MAN2A1: variants seen among roughly 807,000 people sequenced by gnomAD.
MAN2A1 encodes mannosidase alpha class 2A member 1, also known as alpha-mannosidase 2.
In MAN2A1, 76 loss-of-function variants were observed where a neutral mutation model predicts 142.6. The ratio of observed to expected loss-of-function variants is 0.53; its 90% confidence interval spans 0.44 to 0.65. The LOEUF (loss-of-function observed/expected upper bound fraction) is 0.65. MAN2A1 is among the 30% of genes least tolerant of loss of function. The pLI, the probability that MAN2A1 is intolerant of heterozygous loss-of-function variation, is 0.00. For missense variants in MAN2A1, 1,311 were observed against 1,365.1 expected (o/e 0.96, Z 0.62); for synonymous variants, 559 against 473.2 (o/e 1.18, Z -2.35).
At chr5:109,750,391 G>A (rs1752513199) in intron 4 of MAN2A1, among the ~76,000 whole-genome samples, 1 of 151,908 alleles carries the variant, frequency 6.6e-6, no homozygotes, top group Non-Finnish European at 1.5e-5. Context: ...TTCTATTCTT[G>A]TGGATGGATT....
intron 9 of MAN2A1, among the ~76,000 whole-genome samples, chr5:109,784,507 G>A (rs1292675341): frequency 1.3e-5 from 2 of 152,080 alleles, no homozygotes; most frequent in Non-Finnish European, 2.9e-5. Flanking sequence ...GGATCATCTA[G>A]AACAAGGACT....
At chr5:109,852,059 T>C (rs1445197919) in intron 19 of MAN2A1, among the ~76,000 whole-genome samples, 2 of 151,980 alleles carry the variant, frequency 1.3e-5, no homozygotes, top group African/African-American at 2.4e-5. Context: ...TTCCAGTTTC[T>C]TGGGTAAAAA....
intron 1 of MAN2A1, 28 bp downstream of exon 1, chr5:109,690,580 C>T (rs1398361650): frequency 6.4e-7 from 1 of 1,565,024 alleles, no homozygotes; most frequent in Middle Eastern, 2.0e-4. Flanking sequence ...GGGCGCGGGG[C>T]TCCGAGGGGC....
At chr5:109,812,859 T>G (rs1754355352) in intron 12 of MAN2A1, among the ~76,000 whole-genome samples, 1 of 152,222 alleles carries the variant, frequency 6.6e-6, no homozygotes, top group African/African-American at 2.4e-5. Flanking sequence ...AGTGGTATTT[T>G]TCTGCACTGA....
Position 109,690,572 on chromosome 5 carries a change from G to C in MAN2A1, c.135+20G>C, listed in dbSNP as rs772597687. On this transcript the variant is annotated intron_variant, in intron 1 of 21. Transcript: ENST00000261483. ...CCTCAGGTAAGCACCTGGGAAGGGG[G>C]CGCGGGGCTCCGAGGGGCCAGGCGT... The C allele has an allele frequency of 7.6e-6, 12 of 1,576,354 alleles. No homozygotes were observed. In the South Asian group the frequency reaches 1.4e-4, roughly 18 times the overall value.
chr5:109,824,299 G>A (rs1374720964), intron 16 of MAN2A1, among the ~76,000 whole-genome samples: 1 of 152,154 alleles, frequency 6.6e-6, no homozygotes, highest in Non-Finnish European at 1.5e-5. Context: ...ACCCAGTAGA[G>A]TATAAAACCT....
chr5:109,846,110 G>A, intron 18 of MAN2A1, 104 bp downstream of exon 18: 2 of 1,031,160 alleles, frequency 1.9e-6, no homozygotes, highest in Non-Finnish European at 2.6e-6. Flanking sequence ...AAACCTCCCT[G>A]TCTTCTTTTC....
intron 1 of MAN2A1, among the ~76,000 whole-genome samples, chr5:109,709,948 A>G (rs1751249180): frequency 6.6e-6 from 1 of 152,192 alleles, no homozygotes; most frequent in South Asian, 2.1e-4. Context: ...CTGTTTCTTT[A>G]ATGCAGACTA....
At chr5:109,834,468 T>C (rs1182423526) in intron 16 of MAN2A1, among the ~76,000 whole-genome samples, 1 of 152,224 alleles carries the variant, frequency 6.6e-6, no homozygotes, top group Non-Finnish European at 1.5e-5. Flanking sequence ...AGTTTTGTTT[T>C]ATGTTTTTCA....
chr5:109,827,916 A>G (rs1276969978), intron 16 of MAN2A1, among the ~76,000 whole-genome samples: 15 of 152,134 alleles, frequency 9.9e-5, no homozygotes. Context: ...CCTGGCTAAC[A>G]AGGTGAAAGA....
chr5:109,850,892 T>C (rs1755466136), intron 19 of MAN2A1, among the ~76,000 whole-genome samples: 1 of 152,194 alleles, frequency 6.6e-6, no homozygotes, highest in Non-Finnish European at 1.5e-5. Flanking sequence ...AGAAATGAAC[T>C]AGAGAAGAGA....
intron 6 of MAN2A1, 111 bp downstream of exon 6, chr5:109,767,819 G>T: frequency 1.2e-6 from 1 of 848,154 alleles, no homozygotes; most frequent in South Asian, 1.9e-5. Flanking sequence ...GAAAAATCAG[G>T]TGGCCTAAAG....
At position 109,716,342 on chromosome 5, in the gene MAN2A1, A is replaced by G. The variant is rs1751452660; in HGVS notation, c.535+78A>G. On this transcript the variant is annotated intron_variant, in intron 3 of 21. Coordinates refer to ENST00000261483, the MANE Select transcript of MAN2A1 (RefSeq NM_002372.4). The stretch of plus-strand genomic sequence containing the variant: ...GAGTCTTTTAATGAGAATCTGGTAG[A>G]GGCCACTTCTCAAATTTTTGAGACA... The G allele has an allele frequency of 2.5e-6, 3 of 1,187,448 alleles. No individual in the cohort carries two copies. In the Admixed American group the frequency reaches 7.2e-5, roughly 29 times the overall value. 73.6% of individuals were successfully genotyped at this position (1,187,448 alleles called of 1,614,324 possible).
intron 16 of MAN2A1, among the ~76,000 whole-genome samples, chr5:109,832,853 AGGGGCTCCTCACTTCCCAGACGGGGCG>A (rs1561535069): frequency 0.014 from 2,013 of 147,846 alleles, 35 homozygotes; most frequent in African/African-American, 0.05. Flanking sequence ...TGCCGGGCGG[AGGGGCTCCTCACTTCCCAGACGGGGCG>A]GCTGCCGGGC....
intron 18 of MAN2A1, among the ~76,000 whole-genome samples, chr5:109,846,833 C>T (rs1371597861): frequency 6.6e-6 from 1 of 152,212 alleles, no homozygotes; most frequent in South Asian, 2.1e-4. Flanking sequence ...TAGATAAGAT[C>T]ATATAAACTC....
chr5:109,750,311 A>T (rs1348898506), intron 4 of MAN2A1, among the ~76,000 whole-genome samples: 1 of 152,080 alleles, frequency 6.6e-6, no homozygotes. Flanking sequence ...GTTTTTGCTC[A>T]ACACAGTAAA....
chr5:109,728,978 G>A (rs908098687), intron 3 of MAN2A1, among the ~76,000 whole-genome samples: 4 of 151,988 alleles, frequency 2.6e-5, no homozygotes, highest in Non-Finnish European at 2.9e-5. Flanking sequence ...CTGCCAACTT[G>A]TAAACAGTGT....
At position 109,713,639 on chromosome 5, in the gene MAN2A1, T is replaced by TG; in HGVS notation, c.257dup (p.Pro87SerfsTer26). ...TCAATTTGAGTGAGTCTGTGGAGGATGGTCCGAAAAGTTCACAAAGCAATT... is the reference window on the plus strand; with the variant it reads ...TCAATTTGAGTGAGTCTGTGGAGGATGGGTCCGAAAAGTTCACAAAGCAATT... On this transcript the variant is annotated frameshift_variant, in exon 2 of 22. Coordinates refer to ENST00000261483, the MANE Select transcript of MAN2A1 (RefSeq NM_002372.4). LOFTEE classifies it high-confidence loss of function. 5 of 1,614,218 alleles carry TG rather than the reference T, an allele frequency of 3.1e-6. No homozygotes were observed. The highest frequency in any genetic ancestry group is 4.2e-6 in the Non-Finnish European group (5 of 1,180,030).
At chr5:109,702,673 A>G (rs1751022564) in intron 1 of MAN2A1, among the ~76,000 whole-genome samples, 1 of 152,238 alleles carries the variant, frequency 6.6e-6, no homozygotes, top group Admixed American at 6.5e-5. Context: ...AGAAGATCCA[A>G]CCAATAATTG....
Sources: allele counts gnomAD v4.1 joint callset (sites outside exome capture counted in the v4.1 genomes callset), GRCh38; gene constraint gnomAD v4.1.1; transcripts MANE v1.5; gene names NCBI Gene and HGNC (gene_info 2026-07-23, HGNC 2026-07-21).